MACROD2: variants seen among roughly 807,000 people sequenced by gnomAD.
The protein encoded by MACROD2 is ADP-ribose glycohydrolase MACROD2.
In MACROD2, 36 loss-of-function variants were observed where a neutral mutation model predicts 70.4. That is an observed-to-expected ratio of 0.51 (90% CI 0.39 to 0.68). MACROD2 has a LOEUF of 0.68. Ranked by LOEUF, MACROD2 falls within the 30% of genes least tolerant of loss-of-function variation. MACROD2 has a pLI of 0.00. For missense variants in MACROD2, 496 were observed against 538.4 expected, an observed-to-expected ratio of 0.92 and a Z score of 0.78; for synonymous variants, 172 against 178.8, an observed-to-expected ratio of 0.96 and a Z score of 0.30.
intron 3 of MACROD2, among the ~76,000 whole-genome samples, chr20:14,258,154 G>A (rs867709473): frequency 3.9e-5 from 6 of 152,072 alleles, no homozygotes; most frequent in Non-Finnish European, 8.8e-5. Context: ...ATTTGGGTTG[G>A]TTCCATATTT....
chr20:15,386,838 A>G (rs996802353), intron 6 of MACROD2, among the ~76,000 whole-genome samples: 6 of 152,202 alleles, frequency 3.9e-5, no homozygotes, highest in African/African-American at 1.4e-4. Flanking sequence ...AATAGTTTGA[A>G]AAGTATTTAA....
At chr20:14,419,377 ATATT>A (rs2083850320) in intron 3 of MACROD2, among the ~76,000 whole-genome samples, 1 of 152,170 alleles carries the variant, frequency 6.6e-6, no homozygotes, top group Non-Finnish European at 1.5e-5. Flanking sequence ...ATTTTTGAAT[ATATT>A]TATTAGGTAT....
chr20:15,606,449 AG>A (rs139489165), intron 8 of MACROD2, among the ~76,000 whole-genome samples: 3,408 of 152,222 alleles, frequency 0.022, 47 homozygotes, highest in East Asian at 0.058. Context: ...CACAGGTTTC[AG>A]CCTTCCTGTG....
intron 5 of MACROD2, among the ~76,000 whole-genome samples, chr20:14,897,736 G>A (rs1025199599): frequency 2.0e-5 from 3 of 152,150 alleles, no homozygotes; most frequent in African/African-American, 7.2e-5. Context: ...GAATACCATA[G>A]ACTAGGTGGC....
intron 3 of MACROD2, among the ~76,000 whole-genome samples, chr20:14,373,512 T>C (rs935411256): frequency 1.3e-5 from 2 of 152,128 alleles, no homozygotes; most frequent in African/African-American, 2.4e-5. Context: ...TATCATCGTT[T>C]ACTATTTTTC....
chr20:15,772,894 CT>C (rs2051660247), intron 8 of MACROD2, among the ~76,000 whole-genome samples: 1 of 151,918 alleles, frequency 6.6e-6, no homozygotes, highest in African/African-American at 2.4e-5. Context: ...TATTTCTTTC[CT>C]GGAAAAAAAA....
At chr20:14,266,982 C>A (rs554915636) in intron 3 of MACROD2, among the ~76,000 whole-genome samples, 2 of 152,130 alleles carry the variant, frequency 1.3e-5, no homozygotes, top group South Asian at 4.2e-4. Flanking sequence ...TAGTTGAACT[C>A]CAAGTTCTTT....
intron 5 of MACROD2, among the ~76,000 whole-genome samples, chr20:15,146,975 C>T (rs1345141034): frequency 3.3e-5 from 5 of 152,128 alleles, no homozygotes; most frequent in Admixed American, 2.0e-4. Flanking sequence ...ATGTGATTAA[C>T]ATTTTTGTTC....
chr20:15,001,945 C>A (rs555976825), intron 5 of MACROD2, among the ~76,000 whole-genome samples: 1 of 145,990 alleles, frequency 6.8e-6, no homozygotes, highest in Non-Finnish European at 1.5e-5. Flanking sequence ...GTGTGCATGC[C>A]CACACACACA....
At chr20:14,671,595 T>C (rs1322653753) in intron 4 of MACROD2, among the ~76,000 whole-genome samples, 1 of 152,168 alleles carries the variant, frequency 6.6e-6, no homozygotes, top group Non-Finnish European at 1.5e-5. Flanking sequence ...AGAATGCTAG[T>C]GTGTGATCTG....
intron 3 of MACROD2, among the ~76,000 whole-genome samples, chr20:14,471,901 AAAATAAAAG>A (rs1210244722): frequency 1.8e-4 from 27 of 152,282 alleles, no homozygotes; most frequent in African/African-American, 5.3e-4. Context: ...TTTGCTTGGG[AAAATAAAAG>A]AAATAAAAGA....
intron 3 of MACROD2, among the ~76,000 whole-genome samples, chr20:14,265,192 C>T (rs6110220): frequency 0.17 from 25,618 of 152,198 alleles, 2,575 homozygotes; most frequent in East Asian, 0.27. Flanking sequence ...TCATTATTCA[C>T]TACAGATGCA....
chr20:14,654,134 A>G (rs1194447224), intron 4 of MACROD2, among the ~76,000 whole-genome samples: 2 of 152,132 alleles, frequency 1.3e-5, no homozygotes, highest in African/African-American at 2.4e-5. Flanking sequence ...AATTTCAGAA[A>G]CATATTTAAT....
intron 8 of MACROD2, among the ~76,000 whole-genome samples, chr20:15,531,319 AAAAAT>A (rs561819523): frequency 0.013 from 1,463 of 116,784 alleles, 23 homozygotes; most frequent in African/African-American, 0.043. Flanking sequence ...TAACATAAAC[AAAAAT>A]AAAATATAAA....
At chr20:14,303,536 G>C (rs759599330) in intron 3 of MACROD2, among the ~76,000 whole-genome samples, 183 of 152,292 alleles carry the variant, frequency 1.2e-3, no homozygotes, top group Non-Finnish European at 2.1e-3. Context: ...TGAAGAGACA[G>C]ATTTTGAGCA....
chr20:15,799,030 CT>C (rs146632207), intron 8 of MACROD2, among the ~76,000 whole-genome samples: 11,316 of 152,182 alleles, frequency 0.074, 975 homozygotes, highest in East Asian at 0.3. Context: ...CCTTTAATTT[CT>C]TTTGTGTGTA....
At chr20:16,012,463 A>C (rs2066876401) in intron 15 of MACROD2, among the ~76,000 whole-genome samples, 1 of 152,198 alleles carries the variant, frequency 6.6e-6, no homozygotes, top group Admixed American at 6.5e-5. Context: ...AGTCATCAGC[A>C]TTTTAAAAAT....
rs71340214 is a variant in MACROD2, at chr20:15,301,591, C to CTTTTTTTTTTTTTTTT, written c.540+71538_540+71553dup. Among the ~76,000 whole-genome samples the CTTTTTTTTTTTTTTTT allele has an allele frequency of 2.7e-3, 216 of 81,250 alleles. 30 individuals carry two copies. Among genetic ancestry groups the CTTTTTTTTTTTTTTTT allele is most frequent in the African/African-American group, 3.8e-3 (82 of 21,388 alleles). The allele number at this position is 81,250 out of a possible 152,430, so 53.3% of individuals were successfully genotyped here. On this transcript the variant is annotated intron_variant, in intron 6 of 17. Coordinates refer to ENST00000684519, the MANE Select transcript of MACROD2 (RefSeq NM_001351661.2). ...GGAAGTTAGTAAGATGGTAGGTGGC[C>CTTTTTTTTTTTTTTTT]TTTTTTTTTTTTTTTTTTTTTTTGT...
At chr20:15,023,082 A>G (rs2075201910) in intron 5 of MACROD2, 1 of 151,958 alleles carries the variant, frequency 6.6e-6, no homozygotes, top group African/African-American at 2.4e-5. Context: ...ACCTTGGAGG[A>G]TGTGTACTGA....
Sources: allele counts gnomAD v4.1 joint callset (sites outside exome capture counted in the v4.1 genomes callset), GRCh38; gene constraint gnomAD v4.1.1; transcripts MANE v1.5; gene names NCBI Gene and HGNC (gene_info 2026-07-23, HGNC 2026-07-21).